PTPRD: variants seen among roughly 807,000 people sequenced by gnomAD.
PTPRD encodes receptor-type tyrosine-protein phosphatase delta.
Under a neutral mutation model 214.5 loss-of-function variants are expected in PTPRD, and 34 were observed. The ratio of observed to expected loss-of-function variants is 0.16; its 90% CI spans 0.12 to 0.21. PTPRD has a LOEUF of 0.21. PTPRD is among the 10% of genes least tolerant of loss of function. The pLI is 1.00. For missense variants in PTPRD, 2,545 were observed against 2,398.7 expected (o/e 1.06, Z -1.27); for synonymous variants, 1,128 against 845.7 (o/e 1.33, Z -5.79).
At chr9:8,594,101 C>G (rs530760814) in intron 14 of PTPRD, among the ~76,000 whole-genome samples, 54 of 152,262 alleles carry the variant, frequency 3.5e-4, no homozygotes, top group Middle Eastern at 6.8e-3. Context: ...GTAATTTCCA[C>G]TAATTCTAGT....
intron 33 of PTPRD, among the ~76,000 whole-genome samples, chr9:8,456,932 T>C (rs895351297): frequency 1.3e-5 from 2 of 152,200 alleles, no homozygotes; most frequent in Non-Finnish European, 2.9e-5. Flanking sequence ...GTTAACAGTT[T>C]ATTTTTAAAT....
intron 3 of PTPRD, among the ~76,000 whole-genome samples, chr9:10,069,042 G>A (rs980014859): frequency 2.6e-5 from 4 of 151,906 alleles, no homozygotes; most frequent in African/African-American, 9.7e-5. Context: ...TCTTTTGGCT[G>A]CCAGATCCTA....
chr9:9,760,923 G>T (rs1189729556), intron 6 of PTPRD, among the ~76,000 whole-genome samples: 1 of 152,142 alleles, frequency 6.6e-6, no homozygotes, highest in Non-Finnish European at 1.5e-5. Context: ...GGGATACAGA[G>T]AAATGAGCTA....
intron 11 of PTPRD, among the ~76,000 whole-genome samples, chr9:8,782,247 T>C (rs1377140989): frequency 1.3e-5 from 2 of 152,188 alleles, no homozygotes; most frequent in South Asian, 2.1e-4. Context: ...TTAAAATATC[T>C]ATGCCTCACT....
intron 3 of PTPRD, among the ~76,000 whole-genome samples, chr9:10,157,066 A>G (rs530699971): frequency 2.6e-5 from 4 of 152,278 alleles, no homozygotes; most frequent in Non-Finnish European, 5.9e-5. Flanking sequence ...ATACCATTGC[A>G]TCTTGGTTCT....
chr9:9,585,459 T>C (rs2091771412), intron 7 of PTPRD, among the ~76,000 whole-genome samples: 1 of 152,116 alleles, frequency 6.6e-6, no homozygotes, highest in Non-Finnish European at 1.5e-5. Context: ...GGTGCTACTT[T>C]CCAAACTTCT....
At chr9:9,284,131 A>G (rs1214599556) in intron 9 of PTPRD, among the ~76,000 whole-genome samples, 1 of 151,688 alleles carries the variant, frequency 6.6e-6, no homozygotes, top group African/African-American at 2.4e-5. Flanking sequence ...GAGGAACTAC[A>G]TACTTAATTT....
intron 7 of PTPRD, among the ~76,000 whole-genome samples, chr9:9,604,778 A>C (rs1238499394): frequency 1.3e-5 from 2 of 152,128 alleles, no homozygotes; most frequent in African/African-American, 4.8e-5. Context: ...CTAAAAGTTT[A>C]CATTTTTGTT....
At chr9:9,385,309 G>A (rs2063541955) in intron 9 of PTPRD, among the ~76,000 whole-genome samples, 1 of 152,106 alleles carries the variant, frequency 6.6e-6, no homozygotes, top group Admixed American at 6.6e-5. Flanking sequence ...CCAGGATATA[G>A]ACTATTTTTC....
intron 7 of PTPRD, among the ~76,000 whole-genome samples, chr9:9,674,842 T>G (rs2154392481): frequency 6.6e-6 from 1 of 151,936 alleles, no homozygotes. Flanking sequence ...TGGTAGCTGG[T>G]GTTGAGCAAG....
At chr9:9,543,260 A>G (rs2078029455) in intron 8 of PTPRD, among the ~76,000 whole-genome samples, 1 of 151,668 alleles carries the variant, frequency 6.6e-6, no homozygotes, top group African/African-American at 2.4e-5. Flanking sequence ...ATAACAAATT[A>G]TGGGGATGCT....
intron 39 of PTPRD, among the ~76,000 whole-genome samples, chr9:8,364,305 A>T (rs549491411): frequency 2.7e-4 from 41 of 152,248 alleles, no homozygotes; most frequent in Non-Finnish European, 4.8e-4. Context: ...CACAAAATGG[A>T]GATTTGGCAC....
chr9:9,103,175 A>G (rs1422976599), intron 10 of PTPRD, among the ~76,000 whole-genome samples: 1 of 152,130 alleles, frequency 6.6e-6, no homozygotes, highest in Non-Finnish European at 1.5e-5. Flanking sequence ...GGGTTAGCCA[A>G]TGTATTTTTT....
At chr9:9,989,415 G>C (rs376139971) in intron 4 of PTPRD, among the ~76,000 whole-genome samples, 1 of 152,168 alleles carries the variant, frequency 6.6e-6, no homozygotes, top group East Asian at 1.9e-4. Context: ...AAGAAGAGAA[G>C]AGAAGAAGCA....
At chr9:10,057,529 T>C (rs990944066) in intron 3 of PTPRD, among the ~76,000 whole-genome samples, 3 of 152,096 alleles carry the variant, frequency 2.0e-5, no homozygotes, top group Admixed American at 6.6e-5. Context: ...ATTTGGAGTA[T>C]TCTTCGTAAG....
intron 9 of PTPRD, among the ~76,000 whole-genome samples, chr9:9,211,630 C>T (rs1170303600): frequency 6.6e-6 from 1 of 151,704 alleles, no homozygotes. Context: ...AAATATTTGA[C>T]ATATACCAAA....
intron 8 of PTPRD, among the ~76,000 whole-genome samples, chr9:9,514,985 A>T (rs547259945): frequency 6.6e-6 from 1 of 152,080 alleles, no homozygotes; most frequent in African/African-American, 2.4e-5. Flanking sequence ...ACCTTCATCA[A>T]TGCAAGAGGT....
intron 14 of PTPRD, among the ~76,000 whole-genome samples, chr9:8,531,233 A>C (rs2139655464): frequency 6.6e-6 from 1 of 152,224 alleles, no homozygotes; most frequent in East Asian, 1.9e-4. Context: ...GCTCCAAGAG[A>C]AAGTTAAAAA....
intron 12 of PTPRD, among the ~76,000 whole-genome samples, chr9:8,642,378 G>T (rs541792729): frequency 2.0e-5 from 3 of 152,188 alleles, no homozygotes; most frequent in African/African-American, 4.8e-5. Flanking sequence ...GTTTTTAAAG[G>T]GCTGTTTGTC....
Sources: gnomAD v4.1 joint callset for allele counts (sites outside exome capture counted in the v4.1 genomes callset) on GRCh38, gnomAD v4.1.1 for gene constraint, MANE v1.5 for transcripts, NCBI Gene and HGNC (gene_info 2026-07-23, HGNC 2026-07-21) for gene names.